Variants in BANP observed in about 807,000 individuals in gnomAD.
BANP encodes protein BANP.
A neutral mutation model predicts 68.1 loss-of-function variants in BANP; 11 were observed. That is an observed-to-expected ratio of 0.16 (90% CI 0.10 to 0.27). BANP has a LOEUF of 0.27. Ranked by LOEUF, BANP falls within the 10% of genes least tolerant of loss-of-function variation. The pLI is 1.00. For synonymous variants in BANP, 329 were observed against 303.2 expected (o/e 1.09, Z -0.88); for missense variants, 504 against 722.7 (o/e 0.70, Z 3.47).
At chr16:87,988,858 C>T (rs756454543) in intron 4 of BANP, among the ~76,000 whole-genome samples, 1 of 152,228 alleles carries the variant, frequency 6.6e-6, no homozygotes, top group Non-Finnish European at 1.5e-5. Flanking sequence ...CAAGGGCGGG[C>T]ACAGCCTTGC....
At chr16:88,020,768 G>A (rs138332296) in intron 7 of BANP, among the ~76,000 whole-genome samples, 13 of 152,316 alleles carry the variant, frequency 8.5e-5, no homozygotes, top group African/African-American at 2.6e-4. Flanking sequence ...GCTGGAGGCC[G>A]GCTGGCTCTG....
At chr16:88,006,686 G>A (rs2071253674) in intron 6 of BANP, among the ~76,000 whole-genome samples, 1 of 151,354 alleles carries the variant, frequency 6.6e-6, no homozygotes, top group African/African-American at 2.4e-5. Context: ...AGGCTCAGTG[G>A]CTCACACCTG....
chr16:88,055,427 C>T (rs532706153), intron 11 of BANP, among the ~76,000 whole-genome samples: 60 of 152,310 alleles, frequency 3.9e-4, no homozygotes, highest in Admixed American at 3.8e-3. Flanking sequence ...GTTCAGCTGA[C>T]GGCAGGCTTG....
intron 9 of BANP, chr16:88,035,072 A>G (rs2079022246): frequency 4.0e-6 from 2 of 505,762 alleles, no homozygotes; most frequent in Non-Finnish European, 7.2e-6. Context: ...GTTCAGCACC[A>G]TCCACAGTTT....
At chr16:88,056,969 A>T (rs1215196692) in intron 11 of BANP, among the ~76,000 whole-genome samples, 1 of 152,242 alleles carries the variant, frequency 6.6e-6, no homozygotes, top group African/African-American at 2.4e-5. Flanking sequence ...TCATGAAAAC[A>T]TATAGAACAG....
chr16:87,952,526 G>C (rs2057158973), intron 1 of BANP: 1 of 152,220 alleles, frequency 6.6e-6, no homozygotes, highest in South Asian at 2.1e-4. Flanking sequence ...GGCAGTTGTA[G>C]GGTTCACTTT....
chr16:88,034,097 C>T (rs1375450849), intron 9 of BANP, among the ~76,000 whole-genome samples: 8 of 152,224 alleles, frequency 5.3e-5, no homozygotes, highest in Non-Finnish European at 1.2e-4. Context: ...TGGCTCTCAT[C>T]TCAGTGTGGC....
upstream of BANP, chr16:87,950,850 G>C (rs563762635): frequency 3.9e-5 from 6 of 152,454 alleles, no homozygotes; most frequent in East Asian, 1.2e-3. Context: ...TAGACACTGG[G>C]GACCCCTGAC....
chr16:88,033,732 C>T (rs967233565), intron 9 of BANP, among the ~76,000 whole-genome samples: 31 of 152,210 alleles, frequency 2.0e-4, no homozygotes, highest in African/African-American at 5.8e-4. Flanking sequence ...GTTGGGCGGG[C>T]ACTGTCCCAG....
chr16:88,060,658 G>A (rs1022363671), intron 11 of BANP, among the ~76,000 whole-genome samples: 1 of 152,180 alleles, frequency 6.6e-6, no homozygotes, highest in African/African-American at 2.4e-5. Context: ...TGTGGGGAGC[G>A]AGAGGCTCTT....
rs1266047396 is a variant in BANP, at chr16:88,057,703, A to G, written c.1312-7564A>G. Among the ~76,000 whole-genome samples, 1 of 140,328 alleles carries G rather than the reference A, an allele frequency of 7.1e-6. No individual in the cohort carries two copies. The highest frequency in any genetic ancestry group is 7.5e-5 in the Admixed American group (1 of 13,350). 92.1% of individuals were successfully genotyped at this position (140,328 alleles called of 152,430 possible). ...AAGGGAAGTTGCGGCACTGTGCGAGACAGTCTGACTTCTGACAAGTAAGAG... is the reference window on the plus strand; with the variant it reads ...AAGGGAAGTTGCGGCACTGTGCGAGGCAGTCTGACTTCTGACAAGTAAGAG... On this transcript the variant is annotated intron_variant, in intron 11 of 13. Coordinates refer to ENST00000682872, the MANE Select transcript of BANP (RefSeq NM_001386991.1). This position sits in a 1 kb window ranked among gnomAD's most constrained non-coding sequence, Gnocchi z 4.6.
Position 88,057,581 on chromosome 16 carries a change from G to T in BANP, c.1312-7686G>T, listed in dbSNP as rs942076273. On this transcript the variant is annotated intron_variant, in intron 11 of 13. Coordinates refer to ENST00000682872, the MANE Select transcript of BANP (RefSeq NM_001386991.1). The surrounding 1 kb of genome is among the most constrained non-coding windows in gnomAD (Gnocchi z 4.6). ...CCCCGGCTTTTCCCTCATGCAAAATGCAGGCACTCTGACTGGCCCACGTTG... is the reference window on the plus strand; with the variant it reads ...CCCCGGCTTTTCCCTCATGCAAAATTCAGGCACTCTGACTGGCCCACGTTG... Among the ~76,000 whole-genome samples, 3 of 152,096 alleles carry T rather than the reference G, an allele frequency of 2.0e-5. No homozygotes were observed. The highest frequency in any genetic ancestry group is 7.2e-5 in the African/African-American group (3 of 41,418).
intron 11 of BANP, among the ~76,000 whole-genome samples, chr16:88,058,537 C>T (rs1567902081): frequency 2.0e-5 from 3 of 152,198 alleles, no homozygotes; most frequent in South Asian, 4.1e-4. Context: ...TCACTCTGAC[C>T]ACCTGACAGG....
rs755150570 is a variant in BANP, at chr16:88,006,114, C to T, written c.504C>T (p.Asn168=). ...GCGCTGTGCCTGGGCGTCGGCAGAA[C>T]ACCATTGTGGTGAAGGTGCCGGGCC... ...ISNAVPGRRQ[N]TIVVKVPGQE... is the part of the protein sequence containing the mutation. Residue 168 remains asparagine (N), a synonymous_variant, in exon 6 of 14, where the codon AAC becomes AAT. Coordinates refer to ENST00000682872, the MANE Select transcript of BANP (RefSeq NM_001386991.1). 1 of 1,613,958 alleles carries T rather than the reference C, an allele frequency of 6.2e-7. No individual in the cohort carries two copies. Among genetic ancestry groups the T allele is most frequent in the Non-Finnish European group, 8.5e-7 (1 of 1,179,954 alleles).
chr16:87,958,008 G>C (rs1597715060), intron 1 of BANP, among the ~76,000 whole-genome samples: 5 of 152,280 alleles, frequency 3.3e-5, no homozygotes, highest in Admixed American at 3.3e-4. Flanking sequence ...GATTGAGAAA[G>C]TTCACACCCT....
intron 4 of BANP, among the ~76,000 whole-genome samples, chr16:87,993,992 A>C (rs2066536506): frequency 6.7e-6 from 1 of 148,258 alleles, no homozygotes; most frequent in African/African-American, 2.6e-5. Context: ...TTTCTCCGTG[A>C]ATTGAAAGAT....
chr16:87,975,092 G>T lies in BANP; in HGVS notation c.-24G>T. The T allele has an allele frequency of 6.3e-7, 1 of 1,590,126 alleles. No homozygotes were observed. Among genetic ancestry groups the T allele is most frequent in the South Asian group, 1.1e-5 (1 of 90,804 alleles). On this transcript the variant is annotated 5_prime_UTR_variant, in exon 2 of 14. Coordinates refer to ENST00000682872, the MANE Select transcript of BANP (RefSeq NM_001386991.1). ...ACTGTGAGTTGAACTCTTTCGTGTT[G>T]ACCGGCCACTCTCCGTGCTCTGGAT...
intron 6 of BANP, among the ~76,000 whole-genome samples, chr16:88,014,274 G>A (rs2073964788): frequency 6.6e-6 from 1 of 152,180 alleles, no homozygotes; most frequent in Non-Finnish European, 1.5e-5. Context: ...GGTGCACTGG[G>A]TCTGGACATT....
In BANP at chr16:88,076,740, G is replaced by C. The variant is rs117893382; in HGVS notation, c.*79G>C. The C allele has an allele frequency of 1.7e-3, 2,100 of 1,208,766 alleles. 53 individuals are homozygous for C. The East Asian group carries it at 0.041, about 23-fold the overall frequency. 74.9% of individuals were successfully genotyped at this position (1,208,766 alleles called of 1,614,324 possible). ...CCACGCGCCCTGCTCTCACGGCCTC[G>C]GCACAGGCAGCGGCTGCACGTGTTC... On this transcript the variant is annotated 3_prime_UTR_variant, in exon 14 of 14. Coordinates refer to ENST00000682872, the MANE Select transcript of BANP (RefSeq NM_001386991.1).
Sources: gnomAD v4.1 joint callset for allele counts (sites outside exome capture counted in the v4.1 genomes callset) on GRCh38, gnomAD v4.1.1 for gene constraint, Gnocchi (gnomAD v3.1) non-coding constraint, MANE v1.5 for transcripts, NCBI Gene and HGNC (gene_info 2026-07-23, HGNC 2026-07-21) for gene names.